Variants in ATRNL1 observed in about 807,000 individuals in gnomAD.
The protein encoded by ATRNL1 is attractin-like protein 1.
Under a neutral mutation model 182.7 loss-of-function variants are expected in ATRNL1, and 95 were observed. The ratio of observed to expected loss-of-function variants is 0.52; its 90% confidence interval spans 0.44 to 0.62. ATRNL1 has a LOEUF of 0.62. Among genes scored for constraint, ATRNL1 ranks in the 20% least tolerant of loss-of-function variants. The pLI is 0.00. For synonymous variants in ATRNL1, 576 were observed against 568.3 expected, an observed-to-expected ratio of 1.01 and a Z score of -0.19; for missense variants, 1,471 against 1,679.5, an observed-to-expected ratio of 0.88 and a Z score of 2.17.
chr10:115,871,332 T>A (rs1005466782), intron 28 of ATRNL1, among the ~76,000 whole-genome samples: 1 of 151,474 alleles, frequency 6.6e-6, no homozygotes, highest in Non-Finnish European at 1.5e-5. Flanking sequence ...AAAGGCATAT[T>A]TCCTTTTAGG....
At chr10:115,203,162 G>T (rs1161622234) in intron 8 of ATRNL1, among the ~76,000 whole-genome samples, 1 of 152,088 alleles carries the variant, frequency 6.6e-6, no homozygotes, top group Admixed American at 6.6e-5. Flanking sequence ...ACCAGAAGCA[G>T]GGTTCAAAAG....
chr10:115,256,874 C>G (rs1230783208), intron 10 of ATRNL1, among the ~76,000 whole-genome samples: 1 of 152,136 alleles, frequency 6.6e-6, no homozygotes, highest in Non-Finnish European at 1.5e-5. Flanking sequence ...ATCTTTCTGC[C>G]TTCATTTAGT....
intron 26 of ATRNL1, among the ~76,000 whole-genome samples, chr10:115,561,097 T>A (rs922350590): frequency 1.3e-5 from 2 of 152,132 alleles, no homozygotes; most frequent in Non-Finnish European, 2.9e-5. Flanking sequence ...TTCAGAATCT[T>A]CTTAGACATG....
At chr10:115,223,929 A>ATATATATATATATATATATATTTTTT (rs1420143943) in intron 9 of ATRNL1, among the ~76,000 whole-genome samples, 1 of 44,714 alleles carries the variant, frequency 2.2e-5, no homozygotes, top group African/African-American at 9.2e-5. Flanking sequence ...ATATATATAT[A>ATATATATATATATATATATATTTTTT]TTTTTTTTTT....
At chr10:115,119,007 A>G (rs1564748491) in intron 1 of ATRNL1, among the ~76,000 whole-genome samples, 1 of 152,080 alleles carries the variant, frequency 6.6e-6, no homozygotes, top group Non-Finnish European at 1.5e-5. Context: ...ATTATTTACT[A>G]TCTTATAGGT....
At chr10:115,119,364 G>T (rs1844627861) in intron 1 of ATRNL1, among the ~76,000 whole-genome samples, 1 of 151,964 alleles carries the variant, frequency 6.6e-6, no homozygotes, top group Non-Finnish European at 1.5e-5. Context: ...GTATGTTTAT[G>T]TGAATATGTA....
intron 26 of ATRNL1, among the ~76,000 whole-genome samples, chr10:115,711,028 A>G (rs1947047886): frequency 6.6e-6 from 1 of 152,144 alleles, no homozygotes; most frequent in African/African-American, 2.4e-5. Context: ...ACTGGGTAAT[A>G]GCATAGCTAT....
At position 115,569,943 on chromosome 10, in the gene ATRNL1, C is replaced by G. The variant is rs190945694; in HGVS notation, c.3795+20407C>G. On this transcript the variant is annotated intron_variant, in intron 26 of 28. Coordinates refer to ENST00000355044, the MANE Select transcript of ATRNL1 (RefSeq NM_207303.4). ...TTGGTGTCTGGCGAGGGGCTATTTC[C>G]TGATTCATAGATGGCACCATACAGC... 3.5e-3 allele frequency among the ~76,000 whole-genome samples: 537 copies of G among 152,202 alleles called. 1 individual carries two copies. The highest frequency in any genetic ancestry group is 5.7e-3 in the Non-Finnish European group (390 of 68,008).
chr10:115,856,616 G>C (rs1294090215), intron 28 of ATRNL1, among the ~76,000 whole-genome samples: 2 of 151,708 alleles, frequency 1.3e-5, no homozygotes, highest in African/African-American at 4.8e-5. Flanking sequence ...GATGGTTTTG[G>C]GATTAAACTG....
intron 27 of ATRNL1, among the ~76,000 whole-genome samples, chr10:115,811,501 G>A (rs1467097524): frequency 6.6e-6 from 1 of 151,970 alleles, no homozygotes; most frequent in Non-Finnish European, 1.5e-5. Context: ...GCCATTATGT[G>A]TTCCACATAC....
At chr10:115,625,657 A>T (rs1592967978) in intron 26 of ATRNL1, among the ~76,000 whole-genome samples, 1 of 152,186 alleles carries the variant, frequency 6.6e-6, no homozygotes, top group African/African-American at 2.4e-5. Context: ...GGGTTCAAAG[A>T]AAGGAAACTT....
At chr10:115,620,782 G>C (rs578016944) in intron 26 of ATRNL1, among the ~76,000 whole-genome samples, 3 of 152,232 alleles carry the variant, frequency 2.0e-5, no homozygotes, top group East Asian at 3.9e-4. Context: ...AACATACTAC[G>C]TGTGTAAACA....
intron 20 of ATRNL1, among the ~76,000 whole-genome samples, chr10:115,407,687 T>C (rs1301077942): frequency 2.6e-5 from 4 of 152,234 alleles, no homozygotes; most frequent in African/African-American, 9.6e-5. Context: ...TTGCAATAAA[T>C]ATGACGATGC....
At position 115,382,914 on chromosome 10, in the gene ATRNL1, C is replaced by G. The variant is rs953261076; in HGVS notation, c.3176-11745C>G. Among the ~76,000 whole-genome samples, 11 of 151,862 alleles carry G rather than the reference C, an allele frequency of 7.2e-5. No individual in the cohort carries two copies. In the Middle Eastern group the frequency reaches 0.01, roughly 141 times the overall value. The stretch of plus-strand genomic sequence containing the variant: ...TGCACCCTTGTCAAGAGTCAATTGT[C>G]CATAAATGTAATGGTTTGTTTTGGG... On this transcript the variant is annotated intron_variant, in intron 19 of 28. Transcript: ENST00000355044.
intron 26 of ATRNL1, among the ~76,000 whole-genome samples, chr10:115,634,334 A>G (rs1406086390): frequency 1.3e-5 from 2 of 152,154 alleles, no homozygotes; most frequent in African/African-American, 2.4e-5. Context: ...CTTGAATTCA[A>G]TCAGCCATAT....
At chr10:115,466,630 G>T (rs1317604681) in intron 22 of ATRNL1, among the ~76,000 whole-genome samples, 1 of 151,162 alleles carries the variant, frequency 6.6e-6, no homozygotes, top group Non-Finnish European at 1.5e-5. Flanking sequence ...CTCTATAACT[G>T]TGTAAACAAT....
chr10:115,403,244 T>G (rs1844656491), intron 20 of ATRNL1, among the ~76,000 whole-genome samples: 1 of 148,152 alleles, frequency 6.7e-6, no homozygotes, highest in African/African-American at 2.5e-5. Flanking sequence ...TTATTTTTCC[T>G]AATTACTCTC....
At chr10:115,615,028 T>C (rs1366574082) in intron 26 of ATRNL1, among the ~76,000 whole-genome samples, 1 of 152,040 alleles carries the variant, frequency 6.6e-6, no homozygotes, top group Non-Finnish European at 1.5e-5. Flanking sequence ...ACATTCAAGG[T>C]TTTTACTTTT....
At chr10:115,770,753 T>G (rs1216510390) in intron 27 of ATRNL1, among the ~76,000 whole-genome samples, 3 of 152,172 alleles carry the variant, frequency 2.0e-5, no homozygotes, top group African/African-American at 7.2e-5. Flanking sequence ...TAACATCAGT[T>G]GGTAAGTTAG....
Sources: allele counts gnomAD v4.1 joint callset (sites outside exome capture counted in the v4.1 genomes callset), GRCh38; gene constraint gnomAD v4.1.1; transcripts MANE v1.5; gene names NCBI Gene and HGNC (gene_info 2026-07-23, HGNC 2026-07-21).